The following C4orf51 variants were observed in gnomAD, a reference collection of about 807,000 sequenced individuals.
The protein encoded by C4orf51 is uncharacterized protein C4orf51.
C4orf51 carries 25 observed loss-of-function variants against 25.2 expected under a neutral mutation model. The ratio of observed to expected loss-of-function variants is 0.99; its 90% CI spans 0.72 to 1.39. The LOEUF (loss-of-function observed/expected upper bound fraction) is 1.39, where lower values mean the gene tolerates loss of function less well. Among genes scored for constraint, C4orf51 ranks in the 40% most tolerant of loss-of-function variants. C4orf51 has a pLI of 0.00. For synonymous variants in C4orf51, 100 were observed against 84.5 expected, an observed-to-expected ratio of 1.18 and a Z score of -1.01; for missense variants, 252 against 239.6, an observed-to-expected ratio of 1.05 and a Z score of -0.34.
chr4:145,743,970 A>G (rs767004181), intron 1 of C4orf51, among the ~76,000 whole-genome samples: 8 of 152,208 alleles, frequency 5.3e-5, no homozygotes, highest in Non-Finnish European at 1.2e-4. Context: ...TCTTTATTCA[A>G]TATTTTCACA....
At chr4:145,745,648 A>G (rs1279716785) in intron 1 of C4orf51, among the ~76,000 whole-genome samples, 2 of 152,118 alleles carry the variant, frequency 1.3e-5, no homozygotes, top group African/African-American at 4.8e-5. Flanking sequence ...GTTGCTTCCA[A>G]ATCTTGGCTA....
downstream of C4orf51, among the ~76,000 whole-genome samples, chr4:145,756,347 T>C (rs1237020505): frequency 6.6e-6 from 1 of 152,156 alleles, no homozygotes; most frequent in African/African-American, 2.4e-5. Flanking sequence ...AGGAGAAATA[T>C]CTAATTGTGC....
chr4:145,683,200 T>G (rs944424285), intron 1 of C4orf51, among the ~76,000 whole-genome samples: 1 of 152,008 alleles, frequency 6.6e-6, no homozygotes, highest in Non-Finnish European at 1.5e-5. Flanking sequence ...TAACAAAATA[T>G]GTACAAGGTC....
chr4:145,696,545 C>T lies in C4orf51; in HGVS notation c.234-14C>T, dbSNP rs186809191. 2 of 1,607,756 alleles carry T rather than the reference C, an allele frequency of 1.2e-6. No homozygotes were observed. Among genetic ancestry groups the T allele is most frequent in the Admixed American group, 3.3e-5 (2 of 59,872 alleles). ...ATAAATTTGTAACTTGTTTCTTCTACTTGCTTTCCTTAGGATGTCATTGAC... is the reference window on the plus strand; with the variant it reads ...ATAAATTTGTAACTTGTTTCTTCTATTTGCTTTCCTTAGGATGTCATTGAC... On this transcript the variant is annotated splice_polypyrimidine_tract_variant and intron_variant, in intron 1 of 5. Coordinates refer to ENST00000438731, the MANE Select transcript of C4orf51 (RefSeq NM_001080531.3).
intron 1 of C4orf51, among the ~76,000 whole-genome samples, chr4:145,681,196 G>A (rs1178323603): frequency 6.6e-6 from 1 of 152,090 alleles, no homozygotes; most frequent in Non-Finnish European, 1.5e-5. Flanking sequence ...GACTTGTTAT[G>A]AAATCTATCC....
the C4orf51 span, among the ~76,000 whole-genome samples, chr4:145,787,501 A>G: frequency 4.0e-5 from 6 of 151,808 alleles, no homozygotes; most frequent in African/African-American, 1.5e-4. Flanking sequence ...GTTTTTGTCA[A>G]TCTGTGCTCA....
At chr4:145,767,685 G>C (rs1735522741) in intron 1 of C4orf51, among the ~76,000 whole-genome samples, 1 of 152,206 alleles carries the variant, frequency 6.6e-6, no homozygotes, top group Non-Finnish European at 1.5e-5. Flanking sequence ...TGGACACTAT[G>C]CAAGTAAGAA....
At chr4:145,752,742 GC>G (rs1459926097) in intron 1 of C4orf51, among the ~76,000 whole-genome samples, 1 of 152,156 alleles carries the variant, frequency 6.6e-6, no homozygotes, top group East Asian at 1.9e-4. Flanking sequence ...GGCCTAAGCT[GC>G]CTTTTGAGTT....
At chr4:145,766,142 G>A (rs538947604) in intron 1 of C4orf51, among the ~76,000 whole-genome samples, 1 of 152,256 alleles carries the variant, frequency 6.6e-6, no homozygotes, top group South Asian at 2.1e-4. Context: ...TCACAGAAAG[G>A]TTAATCTGGC....
At chr4:145,752,664 G>A (rs1289696445) in intron 1 of C4orf51, among the ~76,000 whole-genome samples, 1 of 152,196 alleles carries the variant, frequency 6.6e-6, no homozygotes, top group Non-Finnish European at 1.5e-5. Context: ...TGGTGTCTCA[G>A]TAGGTCGTAT....
At chr4:145,695,026 G>C (rs183749553) in intron 1 of C4orf51, among the ~76,000 whole-genome samples, 62 of 152,330 alleles carry the variant, frequency 4.1e-4, no homozygotes, top group Non-Finnish European at 6.8e-4. Context: ...AATATGGAAA[G>C]AGTGGAAGAG....
At chr4:145,759,797 C>T (rs944570308) in intron 1 of C4orf51, 6 of 151,962 alleles carry the variant, frequency 3.9e-5, no homozygotes, top group Admixed American at 2.0e-4. Flanking sequence ...TTATCCAAAC[C>T]CCTTTTAATC....
At chr4:145,725,652 C>G (rs1732013838) in intron 2 of C4orf51, among the ~76,000 whole-genome samples, 2 of 151,242 alleles carry the variant, frequency 1.3e-5, no homozygotes, top group Admixed American at 1.3e-4. Flanking sequence ...AACCTCAAAA[C>G]ATTGTGTTAA....
At position 145,680,243 on chromosome 4, in the gene C4orf51, C is replaced by A; in HGVS notation, c.40C>A (p.Pro14Thr). 6.2e-7 allele frequency: 1 copy of A among 1,613,910 alleles called. No individual in the cohort carries two copies. Among genetic ancestry groups the A allele is most frequent in the Non-Finnish European group, 8.5e-7 (1 of 1,179,816 alleles). ...CTACTTGACTCCACAAATTCTTCTGCCCTTTAGCCCTCTTACTTCTCAAGA... is the reference window on the plus strand; with the variant it reads ...CTACTTGACTCCACAAATTCTTCTGACCTTTAGCCCTCTTACTTCTCAAGA... ...YFYLTPQILLPFSPLTSQEFD... is the reference protein window; with the variant it reads ...YFYLTPQILLTFSPLTSQEFD... Residue 14 changes from proline to threonine, a missense_variant, in exon 1 of 6, where the codon CCC (proline) becomes ACC (threonine). Physicochemically the swap from Pro to Thr is conservative, Grantham distance 38. Transcript: ENST00000438731.
At position 145,680,310 on chromosome 4, in the gene C4orf51, A is replaced by T. The variant is rs868462865; in HGVS notation, c.107A>T (p.Asp36Val). 6.8e-6 allele frequency: 11 copies of T among 1,613,972 alleles called. No individual in the cohort carries two copies. Among genetic ancestry groups the T allele is most frequent in the Non-Finnish European group, 9.3e-6 (11 of 1,179,850 alleles). Reference sequence around the variant, plus strand: ...CGCAAGGCTGGAGCATCTTGGCAGGATGAAACACGATGGTCAGATTCTTCC... The same window carrying T: ...CGCAAGGCTGGAGCATCTTGGCAGGTTGAAACACGATGGTCAGATTCTTCC... ...IRRKAGASWQ[D>V]ETRWSDSSVT... The change falls in exon 1 of 6, where the codon GAT becomes GTT. Residue 36 changes from aspartate (D) to valine (V), a missense_variant. Transcript: ENST00000438731.
At chr4:145,755,146 A>C (rs998729882), downstream of C4orf51, among the ~76,000 whole-genome samples, 1 of 152,198 alleles carries the variant, frequency 6.6e-6, no homozygotes, top group Non-Finnish European at 1.5e-5. Context: ...CAAGTTGTAG[A>C]ATCATAGTTG....
chr4:145,700,456 T>C lies in C4orf51; in HGVS notation c.307+3824T>C, dbSNP rs932300968. 7.5e-4 allele frequency among the ~76,000 whole-genome samples: 114 copies of C among 152,182 alleles called. 1 individual carries two copies. The highest frequency in any genetic ancestry group is 2.1e-4 in the Non-Finnish European group (14 of 67,996). On this transcript the variant is annotated intron_variant, in intron 2 of 5. Transcript: ENST00000438731. ...TAAGAACTTAAAACCTCTTCAACTC[T>C]CACCTGACCTAAAATCTAAGTGTCT...
At chr4:145,788,450 A>G in the C4orf51 span, among the ~76,000 whole-genome samples, 1 of 152,210 alleles carries the variant, frequency 6.6e-6, no homozygotes. Context: ...CATTATAACA[A>G]TAATCATTTT....
chr4:145,720,205 T>C (rs1731654842), intron 2 of C4orf51, among the ~76,000 whole-genome samples: 1 of 151,980 alleles, frequency 6.6e-6, no homozygotes, highest in Non-Finnish European at 1.5e-5. Context: ...GAGGCGAACA[T>C]AAAGGAGCAA....
Sources: gnomAD v4.1 joint callset for allele counts (sites outside exome capture counted in the v4.1 genomes callset) on GRCh38, gnomAD v4.1.1 for gene constraint, MANE v1.5 for transcripts, NCBI Gene and HGNC (gene_info 2026-07-23, HGNC 2026-07-21) for gene names.